Variants in TSC1 observed in about 807,000 individuals in gnomAD.
TSC1 encodes the protein hamartin.
Under a neutral mutation model 124.3 loss-of-function variants are expected in TSC1, and 20 were observed. That is an observed-to-expected ratio of 0.16 (90% confidence interval 0.11 to 0.23). The LOEUF (loss-of-function observed/expected upper bound fraction) is 0.23, where lower values mean the gene tolerates loss of function less well. TSC1 is among the 10% of genes least tolerant of loss of function. TSC1 has a pLI of 1.00. For missense variants in TSC1, 1,124 were observed against 1,448.5 expected, an observed-to-expected ratio of 0.78 and a Z score of 3.64; for synonymous variants, 493 against 539.1, an observed-to-expected ratio of 0.91 and a Z score of 1.19.
At chr9:132,900,595 C>T in intron 20 of TSC1, 120 bp downstream of exon 20, 1 of 1,539,494 alleles carries the variant, frequency 6.5e-7, no homozygotes, top group Non-Finnish European at 8.9e-7. Flanking sequence ...AGTAGTGGGA[C>T]TGCCGCTCCG....
intron 1 of TSC1, among the ~76,000 whole-genome samples, chr9:132,935,657 G>C (rs1473103431): frequency 2.0e-5 from 3 of 152,146 alleles, no homozygotes; most frequent in African/African-American, 7.2e-5. Flanking sequence ...GGCCTGCAGG[G>C]CCTCACCGCC....
chr9:132,923,765 T>C lies in TSC1; in HGVS notation c.364-273A>G, dbSNP rs115432196. 8 of 451,672 alleles carry C rather than the reference T, an allele frequency of 1.8e-5. No homozygotes were observed. Among genetic ancestry groups the C allele is most frequent in the African/African-American group, 1.6e-4 (8 of 50,730 alleles). The allele number at this position is 451,672 out of a possible 1,614,324, so 28.0% of individuals were successfully genotyped here. On this transcript the variant is annotated intron_variant, in intron 5 of 22. Coordinates refer to ENST00000298552, the MANE Select transcript of TSC1 (RefSeq NM_000368.5). This position sits in a 1 kb window ranked among gnomAD's most constrained non-coding sequence, Gnocchi z 4.2. The stretch of plus-strand genomic sequence containing the variant: ...TCCGGGAGACGAGTTCAAACTTGAC[T>C]TGGGGACACCCAAGTCCTGCAGCCT...
chr9:132,921,875 A>T lies in TSC1; in HGVS notation c.607T>A (p.Leu203Met). The stretch of plus-strand genomic sequence containing the variant: ...TCTTTCATACTGTAATGAGAACGCA[A>T]AAAGGAGACGAAGTTGCAAGGGTAC... ...GMYPCNFVSF[L>M]RSHYSMKENL... is the part of the protein sequence containing the mutation. Residue 203 changes from leucine to methionine, a missense_variant, in exon 7 of 23, where the codon TTG (leucine) becomes ATG (methionine). By Grantham distance (15) the Leu-to-Met change is conservative. Transcript: ENST00000298552. This position sits in a 1 kb window ranked among gnomAD's most constrained non-coding sequence, Gnocchi z 4.3. 1 of 1,614,222 alleles carries T rather than the reference A, an allele frequency of 6.2e-7. No individual in the cohort carries two copies. The highest frequency in any genetic ancestry group is 1.1e-5 in the South Asian group (1 of 91,084).
intron 8 of TSC1, among the ~76,000 whole-genome samples, chr9:132,916,264 G>A (rs1461871832): frequency 6.6e-6 from 1 of 151,896 alleles, no homozygotes; most frequent in Non-Finnish European, 1.5e-5. Flanking sequence ...AGTTTAAAAA[G>A]TCAATACGGT....
intron 3 of TSC1, 105 bp from the exon 4 acceptor site, chr9:132,927,409 C>T (rs1345677578): frequency 5.8e-6 from 6 of 1,040,388 alleles, no homozygotes; most frequent in Non-Finnish European, 8.7e-6. Context: ...TCTTTATATG[C>T]TATTCTAAGT....
At chr9:132,927,788 G>A (rs535046170) in intron 3 of TSC1, among the ~76,000 whole-genome samples, 3 of 152,124 alleles carry the variant, frequency 2.0e-5, no homozygotes, top group Non-Finnish European at 2.9e-5. Flanking sequence ...GCCTCCCCAA[G>A]TGCTGGGATT....
chr9:132,903,564 T>A lies in TSC1; in HGVS notation c.2208+87A>T, dbSNP rs541806618. ...GTGGGAAGGACTGGGAACTCTGACCTCCTCGGCTGCTGTGCTTTATAAGCT... is the reference window on the plus strand; with the variant it reads ...GTGGGAAGGACTGGGAACTCTGACCACCTCGGCTGCTGTGCTTTATAAGCT... On this transcript the variant is annotated intron_variant, in intron 17 of 22. Transcript: ENST00000298552. This position sits in a 1 kb window ranked among gnomAD's most constrained non-coding sequence, Gnocchi z 5.9. The A allele has an allele frequency of 1.8e-5, 29 of 1,601,626 alleles. No homozygotes were observed. In the East Asian group the frequency reaches 6.0e-4, roughly 33 times the overall value.
intron 1 of TSC1, among the ~76,000 whole-genome samples, chr9:132,936,018 G>T (rs1847440390): frequency 6.6e-6 from 1 of 152,212 alleles, no homozygotes; most frequent in Admixed American, 6.5e-5. Flanking sequence ...TATATCCAGG[G>T]AGAGACCGCA....
chr9:132,897,726 A>G (rs1845164844), intron 20 of TSC1, 116 bp from the exon 21 acceptor site: 7 of 1,371,876 alleles, frequency 5.1e-6, no homozygotes, highest in Non-Finnish European at 6.9e-6. Flanking sequence ...TATACTGATA[A>G]CAGAAATATA....
rs150433809 is a variant in TSC1, at chr9:132,893,527, C to G, written c.*2708G>C. 1.9e-3 allele frequency: 443 copies of G among 233,314 alleles called. 2 individuals are homozygous for G. The highest frequency in any genetic ancestry group is 8.8e-3 in the African/African-American group (399 of 45,470). The allele number at this position is 233,314 out of a possible 1,614,324, so 14.5% of individuals were successfully genotyped here. On this transcript the variant is annotated 3_prime_UTR_variant, in exon 23 of 23. Transcript: ENST00000298552. ...TTGCTCTGCGTCTTCCTATCCCCCT[C>G]CCCGCTAAAACTGTAGTGCACCTTT...
intron 2 of TSC1, among the ~76,000 whole-genome samples, chr9:132,933,154 C>G (rs1431401126): frequency 6.6e-6 from 1 of 152,230 alleles, no homozygotes; most frequent in Non-Finnish European, 1.5e-5. Context: ...CAACCTCCAT[C>G]TCCTGGGTTC....
In TSC1 at chr9:132,906,143, A is replaced by G. The variant is rs762473323; in HGVS notation, c.1439-4T>C. The G allele has an allele frequency of 2.1e-5, 34 of 1,611,286 alleles. No homozygotes were observed. The highest frequency in any genetic ancestry group is 2.6e-5 in the Non-Finnish European group (31 of 1,179,532). On this transcript the variant is annotated splice_polypyrimidine_tract_variant and splice_region_variant and intron_variant, in intron 14 of 22. Transcript: ENST00000298552. This position sits in a 1 kb window ranked among gnomAD's most constrained non-coding sequence, Gnocchi z 4.1. ...GAAAGTTCTCTAGATATTGCAGCTG[A>G]GAGGAAGAGAGGAAACAAAAGAAAT... is the stretch of plus-strand genomic sequence containing the variant.
intron 4 of TSC1, chr9:132,926,315 G>A (rs1347074494): frequency 5.9e-6 from 1 of 169,810 alleles, no homozygotes; most frequent in Non-Finnish European, 1.3e-5. Context: ...GGAACACAAT[G>A]AGACCTCACC....
chr9:132,908,864 G>A lies in TSC1; in HGVS notation c.1264-1494C>T, dbSNP rs150337828. On this transcript the variant is annotated intron_variant, in intron 12 of 22. Coordinates refer to ENST00000298552, the MANE Select transcript of TSC1 (RefSeq NM_000368.5). ...GTGAAATTTGAAACCACATCAATGA[G>A]CTTTTCCTGTGTTAAAACCCACTAG... Among the ~76,000 whole-genome samples, 170 of 148,708 alleles carry A rather than the reference G, an allele frequency of 1.1e-3. 1 individual carries two copies. The highest frequency in any genetic ancestry group is 4.1e-3 in the African/African-American group (164 of 39,896).
Position 132,894,815 on chromosome 9 carries a change from T to C in TSC1, c.*1420A>G, listed in dbSNP as rs925791599. 4.3e-6 allele frequency: 1 copy of C among 231,022 alleles called. No individual in the cohort carries two copies. The allele number at this position is 231,022 out of a possible 1,614,324, so 14.3% of individuals were successfully genotyped here. On this transcript the variant is annotated 3_prime_UTR_variant, in exon 23 of 23. Coordinates refer to ENST00000298552, the MANE Select transcript of TSC1 (RefSeq NM_000368.5). Reference sequence around the variant, plus strand: ...GACTGAATCCTTCTATTCTTTTTAATGAAAGATAGAAACAGGAAAGCCAAG... The same window carrying C: ...GACTGAATCCTTCTATTCTTTTTAACGAAAGATAGAAACAGGAAAGCCAAG...
intron 1 of TSC1, among the ~76,000 whole-genome samples, chr9:132,935,815 C>T (rs970969153): frequency 1.3e-5 from 2 of 152,194 alleles, no homozygotes; most frequent in Non-Finnish European, 2.9e-5. Flanking sequence ...CACTCTTCAT[C>T]CTTAAAATCT....
rs1170588417 is a variant in TSC1, at chr9:132,891,947, C to T, written c.*4288G>A. 1 of 233,184 alleles carries T rather than the reference C, an allele frequency of 4.3e-6. No individual in the cohort carries two copies. The highest frequency in any genetic ancestry group is 2.2e-5 in the African/African-American group (1 of 45,338). The allele number at this position is 233,184 out of a possible 1,614,324, so 14.4% of individuals were successfully genotyped here. Reference sequence around the variant, plus strand: ...TGAAAGGTCCATTCCAATGGTTAAACCAGCCTACTTATCTCAGAGGATGGA... The same window carrying T: ...TGAAAGGTCCATTCCAATGGTTAAATCAGCCTACTTATCTCAGAGGATGGA... On this transcript the variant is annotated 3_prime_UTR_variant, in exon 23 of 23. Transcript: ENST00000298552.
intron 8 of TSC1, among the ~76,000 whole-genome samples, chr9:132,913,186 G>A (rs1299155470): frequency 2.0e-5 from 3 of 152,140 alleles, no homozygotes; most frequent in Non-Finnish European, 4.4e-5. Flanking sequence ...TCCCACCTTG[G>A]CCTCCCAAAG....
chr9:132,910,915 T>C, intron 11 of TSC1, 87 bp downstream of exon 11: 1 of 1,364,198 alleles, frequency 7.3e-7, no homozygotes, highest in Non-Finnish European at 1.0e-6. Context: ...CAACAGCAAG[T>C]GGTCCCTTAG....
Sources: gnomAD v4.1 joint callset for allele counts (sites outside exome capture counted in the v4.1 genomes callset) on GRCh38, gnomAD v4.1.1 for gene constraint, Gnocchi (gnomAD v3.1) non-coding constraint, MANE v1.5 for transcripts, NCBI Gene and HGNC (gene_info 2026-07-23, HGNC 2026-07-21) for gene names.